GRIP1: variants seen among roughly 807,000 people sequenced by gnomAD.
GRIP1 encodes the protein glutamate receptor interacting protein 1, also known as glutamate receptor-interacting protein 1.
A neutral mutation model predicts 129.9 loss-of-function variants in GRIP1; 45 were observed. That is an observed-to-expected ratio of 0.35 (90% CI 0.27 to 0.44). The LOEUF (loss-of-function observed/expected upper bound fraction) is 0.44, where lower values mean the gene tolerates loss of function less well. GRIP1 is among the 20% of genes least tolerant of loss of function. The pLI is 1.00. For synonymous variants in GRIP1, 530 were observed against 520.8 expected (o/e 1.02, Z -0.24); for missense variants, 1,196 against 1,396.8 (o/e 0.86, Z 2.29).
chr12:66,404,827 T>A (rs1038599994), intron 16 of GRIP1, among the ~76,000 whole-genome samples: 1 of 151,910 alleles, frequency 6.6e-6, no homozygotes, highest in Non-Finnish European at 1.5e-5. Flanking sequence ...AGGTCAGGAG[T>A]TTGAGACCAG....
chr12:66,504,991 G>A (rs1464947328), intron 7 of GRIP1, among the ~76,000 whole-genome samples: 1 of 152,054 alleles, frequency 6.6e-6, no homozygotes, highest in South Asian at 2.1e-4. Flanking sequence ...GATTTTGGTG[G>A]ACAGTCCCAT....
At chr12:66,583,642 A>C (rs1278432545) in intron 2 of GRIP1, among the ~76,000 whole-genome samples, 1 of 140,450 alleles carries the variant, frequency 7.1e-6, no homozygotes, top group African/African-American at 2.6e-5. Context: ...ACGCAGCCAA[A>C]AAACACATGA....
chr12:66,786,457 T>C (rs2038348921), intron 1 of GRIP1, among the ~76,000 whole-genome samples: 1 of 152,140 alleles, frequency 6.6e-6, no homozygotes, highest in East Asian at 1.9e-4. Context: ...TTCACCTTCA[T>C]GGCCATTCAA....
At chr12:67,023,560 T>C (rs1336648658) in intron 1 of GRIP1, among the ~76,000 whole-genome samples, 1 of 152,182 alleles carries the variant, frequency 6.6e-6, no homozygotes, top group African/African-American at 2.4e-5. Flanking sequence ...TCAGTTACCT[T>C]TGTTCTTTTT....
chr12:66,936,505 T>C (rs989926368), intron 1 of GRIP1, among the ~76,000 whole-genome samples: 3 of 152,064 alleles, frequency 2.0e-5, no homozygotes, highest in Admixed American at 1.3e-4. Flanking sequence ...TGGTCCTTTA[T>C]GTCTCTTCAT....
chr12:66,934,829 A>T (rs1047116382), intron 1 of GRIP1, among the ~76,000 whole-genome samples: 2 of 152,230 alleles, frequency 1.3e-5, no homozygotes, highest in Admixed American at 1.3e-4. Flanking sequence ...TAAGCAACTG[A>T]ACAAATATCT....
intron 1 of GRIP1, among the ~76,000 whole-genome samples, chr12:66,789,456 A>T (rs1254478376): frequency 1.3e-5 from 2 of 152,238 alleles, no homozygotes; most frequent in African/African-American, 4.8e-5. Context: ...ATCAACTTAT[A>T]AGATGGCTAG....
At chr12:66,989,037 T>C (rs1310207564) in intron 1 of GRIP1, among the ~76,000 whole-genome samples, 4 of 152,204 alleles carry the variant, frequency 2.6e-5, no homozygotes, top group Non-Finnish European at 5.9e-5. Flanking sequence ...AAATTCCACC[T>C]TCTCAACAGT....
At chr12:67,042,754 G>C (rs2043198617) in intron 1 of GRIP1, among the ~76,000 whole-genome samples, 1 of 152,186 alleles carries the variant, frequency 6.6e-6, no homozygotes, top group Non-Finnish European at 1.5e-5. Context: ...AGAGACTGAA[G>C]GGACAGCTCT....
intron 1 of GRIP1, among the ~76,000 whole-genome samples, chr12:66,987,916 G>A (rs139353023): frequency 1.1e-3 from 170 of 152,258 alleles, no homozygotes; most frequent in Middle Eastern, 6.8e-3. Flanking sequence ...CGGAATGAAC[G>A]CTTCCCCTTC....
intron 1 of GRIP1, among the ~76,000 whole-genome samples, chr12:67,048,053 A>G (rs1167905463): frequency 6.6e-6 from 1 of 152,054 alleles, no homozygotes; most frequent in Non-Finnish European, 1.5e-5. Flanking sequence ...TCACCTGGCC[A>G]TATCATTTAT....
intron 23 of GRIP1, among the ~76,000 whole-genome samples, chr12:66,358,943 C>T (rs988478518): frequency 1.3e-5 from 2 of 152,194 alleles, no homozygotes; most frequent in Non-Finnish European, 2.9e-5. Flanking sequence ...TTATGTCCCA[C>T]TCTGGCTTTA....
intron 1 of GRIP1, among the ~76,000 whole-genome samples, chr12:66,841,245 C>T (rs780170186): frequency 1.8e-4 from 27 of 152,104 alleles, no homozygotes; most frequent in Non-Finnish European, 3.7e-4. Flanking sequence ...GTTTCCTCTT[C>T]CCTTTCTCCT....
At chr12:66,682,564 C>T (rs537081944), upstream of GRIP1, among the ~76,000 whole-genome samples, 9 of 152,252 alleles carry the variant, frequency 5.9e-5, no homozygotes, top group South Asian at 1.9e-3. Context: ...GCTTCATCAG[C>T]AGGTGGCACA....
At chr12:66,729,909 C>T (rs1032528188) in intron 1 of GRIP1, among the ~76,000 whole-genome samples, 11 of 152,192 alleles carry the variant, frequency 7.2e-5, no homozygotes, top group African/African-American at 1.4e-4. Flanking sequence ...GACTATAAGA[C>T]TCAAGCTTAA....
At chr12:66,925,154 G>A (rs958946106) in intron 1 of GRIP1, among the ~76,000 whole-genome samples, 18 of 152,172 alleles carry the variant, frequency 1.2e-4, no homozygotes, top group Non-Finnish European at 2.1e-4. Flanking sequence ...GGACTCTGCA[G>A]AGAAGTTTTA....
At chr12:66,856,514 A>G (rs1391992616) in intron 1 of GRIP1, among the ~76,000 whole-genome samples, 1 of 152,150 alleles carries the variant, frequency 6.6e-6, no homozygotes, top group Non-Finnish European at 1.5e-5. Flanking sequence ...ATGAACTCAA[A>G]CAAATTTACA....
intron 1 of GRIP1, among the ~76,000 whole-genome samples, chr12:66,995,633 C>T (rs2042456017): frequency 6.6e-6 from 1 of 152,032 alleles, no homozygotes; most frequent in African/African-American, 2.4e-5. Context: ...ATCAAAGCCA[C>T]AATGAAGTAC....
intron 2 of GRIP1, among the ~76,000 whole-genome samples, chr12:66,577,972 A>G (rs1008535643): frequency 7.9e-5 from 12 of 152,156 alleles, no homozygotes; most frequent in African/African-American, 2.9e-4. Flanking sequence ...CCAACCAATC[A>G]ACAAAACAAA....
Sources: allele counts gnomAD v4.1 joint callset (sites outside exome capture counted in the v4.1 genomes callset), GRCh38; gene constraint gnomAD v4.1.1; transcripts MANE v1.5; gene names NCBI Gene and HGNC (gene_info 2026-07-23, HGNC 2026-07-21).